ITGB2: variants seen among roughly 807,000 people sequenced by gnomAD.
ITGB2 encodes integrin beta-2.
A neutral mutation model predicts 86.8 loss-of-function variants in ITGB2; 56 were observed. That is an observed-to-expected ratio of 0.65 (90% confidence interval 0.52 to 0.81). The LOEUF (loss-of-function observed/expected upper bound fraction) is 0.81, where lower values mean the gene tolerates loss of function less well. Among genes scored for constraint, ITGB2 ranks in the 30% least tolerant of loss-of-function variants. ITGB2 has a pLI of 0.00. For synonymous variants in ITGB2, 457 were observed against 450.4 expected (o/e 1.01, Z -0.19); for missense variants, 948 against 1,061.2 (o/e 0.89, Z 1.48).
Position 44,885,999 on chromosome 21 carries a change from G to A in ITGB2, c.*369C>T, listed in dbSNP as rs950075342. 16 of 330,090 alleles carry A rather than the reference G, an allele frequency of 4.8e-5. No individual in the cohort carries two copies. In the East Asian group the frequency reaches 5.2e-4, roughly 11 times the overall value. 20.4% of individuals were successfully genotyped at this position (330,090 alleles called of 1,614,324 possible). A position where few individuals can be genotyped will look rare whatever the true frequency, so the allele number is the denominator to read the frequency against. ...GAAGTTTTATTTTTTTTCTATACACGTGATTGATTAACAATATAATTAATG... is the reference window on the plus strand; with the variant it reads ...GAAGTTTTATTTTTTTTCTATACACATGATTGATTAACAATATAATTAATG... On this transcript the variant is annotated 3_prime_UTR_variant, in exon 16 of 16. Transcript: ENST00000652462.
chr21:44,894,824 G>C (rs1341963943), intron 9 of ITGB2, 147 bp downstream of exon 9: 1 of 700,254 alleles, frequency 1.4e-6, no homozygotes, highest in Non-Finnish European at 2.6e-6. Context: ...GGAGGCCTGA[G>C]GGCAGGTCGG....
In ITGB2 at chr21:44,914,029, G is replaced by C. The variant is rs73906944; in HGVS notation, c.-3-3244C>G. Among the ~76,000 whole-genome samples, 1,247 of 152,152 alleles carry C rather than the reference G, an allele frequency of 8.2e-3. 17 individuals are homozygous for C. The highest frequency in any genetic ancestry group is 0.029 in the African/African-American group (1,196 of 41,516). On this transcript the variant is annotated intron_variant, in intron 1 of 15. Coordinates refer to ENST00000652462, the MANE Select transcript of ITGB2 (RefSeq NM_000211.5). ...CCCCTGAGCTGGCCCCAGAGCTCTG[G>C]CCTGGAGCCTGATCACCCTGAGGCC...
rs1004484575 is a variant in ITGB2, at chr21:44,914,035, A to G, written c.-3-3250T>C. Among the ~76,000 whole-genome samples the G allele has an allele frequency of 3.9e-5, 6 of 152,072 alleles. No homozygotes were observed. In the East Asian group the frequency reaches 1.2e-3, roughly 30 times the overall value. The stretch of plus-strand genomic sequence containing the variant: ...AGCTGGCCCCAGAGCTCTGGCCTGG[A>G]GCCTGATCACCCTGAGGCCCTCCCT... On this transcript the variant is annotated intron_variant, in intron 1 of 15. Transcript: ENST00000652462.
At chr21:44,897,567 C>T (rs554776684) in intron 8 of ITGB2, among the ~76,000 whole-genome samples, 6 of 152,336 alleles carry the variant, frequency 3.9e-5, no homozygotes, top group African/African-American at 9.6e-5. Context: ...ACGCACTGCC[C>T]GCCGGGCACC....
chr21:44,921,545 G>A (rs530988049), upstream of ITGB2, among the ~76,000 whole-genome samples: 5 of 151,750 alleles, frequency 3.3e-5, no homozygotes, highest in East Asian at 9.7e-4. Context: ...GGATACCACA[G>A]AACACGAAAG....
chr21:44,887,805 GC>G (rs763787946), intron 14 of ITGB2, among the ~76,000 whole-genome samples: 2 of 152,186 alleles, frequency 1.3e-5, no homozygotes, highest in Non-Finnish European at 2.9e-5. Context: ...GCAGCCCCAG[GC>G]CCACATGTGG....
upstream of ITGB2, among the ~76,000 whole-genome samples, chr21:44,924,397 T>TAC (rs1342006269): frequency 6.6e-6 from 1 of 152,050 alleles, no homozygotes; most frequent in Non-Finnish European, 1.5e-5. Context: ...GCCACTGCAT[T>TAC]CCAGCCTGGG....
chr21:44,903,370 C>T lies in ITGB2; in HGVS notation c.494G>A (p.Arg165His), dbSNP rs776811628. The T allele has an allele frequency of 3.1e-6, 5 of 1,613,870 alleles. No individual in the cohort carries two copies. Among genetic ancestry groups the T allele is most frequent in the Non-Finnish European group, 4.2e-6 (5 of 1,179,924 alleles). ...CTGCAGTGCCTGGGCCTCACCAATGCGGCCGGACTCGGTGATCTCGTTGAG... is the reference window on the plus strand; with the variant it reads ...CTGCAGTGCCTGGGCCTCACCAATGTGGCCGGACTCGGTGATCTCGTTGAG... The part of the protein sequence containing the change: ...RALNEITESG[R>H]IGFGSFVDKT... The change falls in exon 5 of 16, where the codon CGC (arginine) becomes CAC (histidine). Residue 165 changes from arginine to histidine, a missense_variant. By Grantham distance (29) the Arg-to-His change is conservative (BLOSUM62 0). Coordinates refer to ENST00000652462, the MANE Select transcript of ITGB2 (RefSeq NM_000211.5).
chr21:44,925,440 G>A (rs2084360762), upstream of ITGB2, among the ~76,000 whole-genome samples: 3 of 146,408 alleles, frequency 2.0e-5, no homozygotes, highest in South Asian at 6.9e-4. Flanking sequence ...AGGAAGGAAG[G>A]AAGGAAGGAA....
chr21:44,891,805 TCA>T lies in ITGB2; in HGVS notation c.1412+2_1412+3del. The T allele has an allele frequency of 6.2e-7, 1 of 1,603,596 alleles. No homozygotes were observed. The highest frequency in any genetic ancestry group is 2.2e-5 in the East Asian group (1 of 44,864). On this transcript the variant is annotated splice_donor_variant and splice_donor_region_variant and intron_variant, in intron 11 of 15. Coordinates refer to ENST00000652462, the MANE Select transcript of ITGB2 (RefSeq NM_000211.5). LOFTEE classifies it high-confidence loss of function. ...GGTTCAACAGGGACCTGCGCCCGCCTCACCTGCAGATGCCGCACTCCAAGAAG... is the reference window on the plus strand; with the variant it reads ...GGTTCAACAGGGACCTGCGCCCGCCTCCTGCAGATGCCGCACTCCAAGAAG...
chr21:44,889,549 C>T lies in ITGB2; in HGVS notation c.1658-54G>A, dbSNP rs767474630. ...CCTGCTTGGCCTGGGAACCGAGACC[C>T]GCCCGAAACCCCACTGCGGTTGCTC... On this transcript the variant is annotated intron_variant, in intron 12 of 15. Coordinates refer to ENST00000652462, the MANE Select transcript of ITGB2 (RefSeq NM_000211.5). The T allele has an allele frequency of 4.2e-4, 614 of 1,473,162 alleles. 1 individual carries two copies. The highest frequency in any genetic ancestry group is 5.3e-4 in the Non-Finnish European group (571 of 1,083,828). 91.3% of individuals were successfully genotyped at this position (1,473,162 alleles called of 1,614,324 possible).
At chr21:44,897,189 C>T (rs946746818) in intron 8 of ITGB2, among the ~76,000 whole-genome samples, 4 of 152,224 alleles carry the variant, frequency 2.6e-5, no homozygotes, top group Non-Finnish European at 5.9e-5. Context: ...CCGCTGGTCT[C>T]GCTGTCGGCC....
At chr21:44,922,598 A>G (rs183291474), upstream of ITGB2, among the ~76,000 whole-genome samples, 568 of 150,712 alleles carry the variant, frequency 3.8e-3, 4 homozygotes, top group African/African-American at 0.013. Flanking sequence ...GCTTGAGCCC[A>G]AGAGGTTGAG....
chr21:44,905,911 G>A (rs1003841421), intron 4 of ITGB2, among the ~76,000 whole-genome samples: 1 of 152,168 alleles, frequency 6.6e-6, no homozygotes, highest in Non-Finnish European at 1.5e-5. Context: ...CTTCCCCTGA[G>A]GGCAGAGCTC....
chr21:44,895,906 T>A (rs545626728), intron 8 of ITGB2, among the ~76,000 whole-genome samples: 45 of 147,764 alleles, frequency 3.0e-4, no homozygotes, highest in African/African-American at 8.3e-4. Flanking sequence ...ATAAAATAAA[T>A]AAAAAATAAA....
chr21:44,900,508 G>A (rs778277424), intron 6 of ITGB2, 33 bp from the exon 7 acceptor site: 2 of 1,611,794 alleles, frequency 1.2e-6, no homozygotes, highest in Non-Finnish European at 1.7e-6. Flanking sequence ...AGGGTTACCT[G>A]CCTCAGTTTC....
intron 1 of ITGB2, 123 bp from the exon 2 acceptor site, chr21:44,910,908 G>A (rs2084122157): frequency 1.0e-6 from 1 of 989,214 alleles, no homozygotes; most frequent in Non-Finnish European, 1.5e-6. Flanking sequence ...TGCAGGGGGT[G>A]GGTTAGGGTC....
At chr21:44,924,144 A>G (rs1159492485), upstream of ITGB2, among the ~76,000 whole-genome samples, 1 of 152,050 alleles carries the variant, frequency 6.6e-6, no homozygotes, top group African/African-American at 2.4e-5. Flanking sequence ...AAATAAACAC[A>G]TCAGGCCAGT....
upstream of ITGB2, chr21:44,922,869 G>A (rs2084326586): frequency 6.6e-6 from 1 of 152,294 alleles, no homozygotes; most frequent in East Asian, 1.9e-4. Context: ...GACAAAACAA[G>A]TTCCAATGAA....
Sources: gnomAD v4.1 joint callset for allele counts (sites outside exome capture counted in the v4.1 genomes callset) on GRCh38, gnomAD v4.1.1 for gene constraint, MANE v1.5 for transcripts, NCBI Gene and HGNC (gene_info 2026-07-23, HGNC 2026-07-21) for gene names.